The following SGCD variants were observed in gnomAD, a reference collection of about 807,000 sequenced individuals.
SGCD encodes the protein delta-sarcoglycan.
In SGCD, 18 loss-of-function variants were observed where a neutral mutation model predicts 36.6. That is an observed-to-expected ratio of 0.49 (90% CI 0.34 to 0.73). The LOEUF (loss-of-function observed/expected upper bound fraction) is 0.73. Ranked by LOEUF, SGCD falls within the 30% of genes least tolerant of loss-of-function variation. The pLI is 0.01. For synonymous variants in SGCD, 133 were observed against 130.6 expected, an observed-to-expected ratio of 1.02 and a Z score of -0.12; for missense variants, 387 against 346.7, an observed-to-expected ratio of 1.12 and a Z score of -0.92.
intron 7 of SGCD, among the ~76,000 whole-genome samples, chr5:156,696,301 T>C (rs1754315456): frequency 6.6e-6 from 1 of 152,192 alleles, no homozygotes; most frequent in Non-Finnish European, 1.5e-5. Context: ...CACTTCTCCA[T>C]CCAGCATCCC....
At chr5:156,073,152 G>T (rs1283011134) in intron 1 of SGCD, among the ~76,000 whole-genome samples, 3 of 152,128 alleles carry the variant, frequency 2.0e-5, no homozygotes, top group East Asian at 1.9e-4. Flanking sequence ...CTTCTTTCTA[G>T]TTTCATGAAT....
chr5:156,289,890 A>G (rs1766711758), intron 3 of SGCD, among the ~76,000 whole-genome samples: 1 of 152,046 alleles, frequency 6.6e-6, no homozygotes, highest in Non-Finnish European at 1.5e-5. Context: ...AGTCTCTAGA[A>G]TTTCCCCATC....
At chr5:156,329,664 A>G in intron 2 of SGCD, 85 bp downstream of exon 2, 1 of 1,245,626 alleles carries the variant, frequency 8.0e-7, no homozygotes, top group Non-Finnish European at 1.2e-6. Context: ...AAAAGAGAAC[A>G]AAGTGTTATA....
At chr5:156,009,889 C>T (rs1330689440) in intron 1 of SGCD, among the ~76,000 whole-genome samples, 1 of 152,126 alleles carries the variant, frequency 6.6e-6, no homozygotes, top group Non-Finnish European at 1.5e-5. Flanking sequence ...TCAGGCTTCT[C>T]TAAATAGACA....
intron 3 of SGCD, among the ~76,000 whole-genome samples, chr5:156,134,824 C>T (rs1447920139): frequency 6.6e-6 from 1 of 152,060 alleles, no homozygotes; most frequent in Non-Finnish European, 1.5e-5. Flanking sequence ...TGCACATGTA[C>T]CCTAGAACTT....
intron 7 of SGCD, among the ~76,000 whole-genome samples, chr5:156,657,219 CTTT>C (rs571128334): frequency 1.4e-5 from 2 of 146,158 alleles, no homozygotes; most frequent in African/African-American, 5.0e-5. Flanking sequence ...AATAGTCTGA[CTTT>C]TTTTTTTTCC....
rs140474078 is a variant in SGCD at position 156,319,903 on chromosome 5, A to C, written c.-43-9631A>C. Among the ~76,000 whole-genome samples, 414 of 152,350 alleles carry C rather than the reference A, an allele frequency of 2.7e-3. 2 individuals carry two copies. Among genetic ancestry groups the C allele is most frequent in the African/African-American group, 9.7e-3 (403 of 41,576 alleles). ...TATTTTCTCTGCAATCCATTGCGGA[A>C]AGGATATCAGGAATTACTAGCAATG... On this transcript the variant is annotated intron_variant, in intron 3 of 9. Transcript: ENST00000517913.
chr5:156,715,100 A>G (rs1392506364), intron 7 of SGCD, among the ~76,000 whole-genome samples: 1 of 152,244 alleles, frequency 6.6e-6, no homozygotes, highest in Non-Finnish European at 1.5e-5. Flanking sequence ...GCGAAGCTTC[A>G]GGAAACCATC....
intron 1 of SGCD, among the ~76,000 whole-genome samples, chr5:155,989,702 A>G (rs1332604704): frequency 2.0e-5 from 3 of 152,316 alleles, no homozygotes; most frequent in East Asian, 1.9e-4. Flanking sequence ...AATAAATGTT[A>G]TTCAATAAAA....
the SGCD span, among the ~76,000 whole-genome samples, chr5:155,836,063 T>C: frequency 1.3e-5 from 2 of 152,210 alleles, no homozygotes; most frequent in African/African-American, 2.4e-5. Flanking sequence ...ATCTACTGTA[T>C]AGTCAATCCT....
chr5:156,283,231 G>C (rs548687416), intron 3 of SGCD, among the ~76,000 whole-genome samples: 1 of 152,054 alleles, frequency 6.6e-6, no homozygotes, highest in Non-Finnish European at 1.5e-5. Flanking sequence ...GATTGGTATT[G>C]GTCCATAGAA....
At chr5:156,475,899 G>C (rs1306391093) in intron 3 of SGCD, among the ~76,000 whole-genome samples, 1 of 152,200 alleles carries the variant, frequency 6.6e-6, no homozygotes, top group Non-Finnish European at 1.5e-5. Context: ...ATAAAGATGT[G>C]GAGGACAGGC....
intron 4 of SGCD, among the ~76,000 whole-genome samples, chr5:156,558,095 A>G (rs1393150479): frequency 2.7e-5 from 2 of 74,436 alleles, no homozygotes; most frequent in African/African-American, 1.0e-4. Flanking sequence ...ACAAATATAT[A>G]TATATATATA....
intron 1 of SGCD, among the ~76,000 whole-genome samples, chr5:156,030,271 T>A (rs2127575402): frequency 6.6e-6 from 1 of 152,350 alleles, no homozygotes; most frequent in African/African-American, 2.4e-5. Flanking sequence ...TGACCTTATT[T>A]GGAAATAGGG....
At chr5:155,811,778 C>G in the SGCD span, among the ~76,000 whole-genome samples, 3 of 151,968 alleles carry the variant, frequency 2.0e-5, no homozygotes, top group Non-Finnish European at 4.4e-5. Context: ...CTGGATATAC[C>G]AGCATTTATT....
intron 1 of SGCD, among the ~76,000 whole-genome samples, chr5:156,091,202 T>C (rs1761233115): frequency 6.6e-6 from 1 of 152,216 alleles, no homozygotes; most frequent in Non-Finnish European, 1.5e-5. Flanking sequence ...TGTTCAGAGA[T>C]TGCAGTAAAC....
intron 3 of SGCD, among the ~76,000 whole-genome samples, chr5:156,203,025 G>C (rs1355083723): frequency 6.6e-6 from 1 of 152,046 alleles, no homozygotes; most frequent in Non-Finnish European, 1.5e-5. Flanking sequence ...TTGAGACTCT[G>C]TCAGATTTGA....
At chr5:156,236,662 A>G (rs1765171918) in intron 3 of SGCD, among the ~76,000 whole-genome samples, 1 of 151,798 alleles carries the variant, frequency 6.6e-6, no homozygotes, top group Non-Finnish European at 1.5e-5. Flanking sequence ...GTTAGCCAGG[A>G]TGGTCTCGAT....
chr5:156,224,212 GT>G (rs1326983921), intron 3 of SGCD, among the ~76,000 whole-genome samples: 10 of 151,896 alleles, frequency 6.6e-5, no homozygotes, highest in Admixed American at 3.9e-4. Context: ...TGGTTACACG[GT>G]CAATAAATGC....
Sources: gnomAD v4.1 joint callset for allele counts (sites outside exome capture counted in the v4.1 genomes callset) on GRCh38, gnomAD v4.1.1 for gene constraint, MANE v1.5 for transcripts, NCBI Gene and HGNC (gene_info 2026-07-23, HGNC 2026-07-21) for gene names.